IL15: variants seen among roughly 807,000 people sequenced by gnomAD.
IL15 encodes interleukin-15.
IL15 carries 11 observed loss-of-function variants against 19.6 expected under a neutral mutation model. That is an observed-to-expected ratio of 0.56 (90% CI 0.35 to 0.93). The LOEUF is 0.93. Ranked by LOEUF, IL15 falls within the 40% of genes least tolerant of loss-of-function variation. The probability of loss-of-function intolerance (pLI) is 0.01; values close to 1 mark genes in which losing one functional copy is unlikely to be tolerated. For missense variants in IL15, 197 were observed against 186.5 expected (o/e 1.06, Z -0.33); for synonymous variants, 58 against 59.6 (o/e 0.97, Z 0.12).
intron 1 of IL15, among the ~76,000 whole-genome samples, chr4:141,651,482 T>C (rs1727404640): frequency 6.6e-6 from 1 of 152,138 alleles, no homozygotes; most frequent in African/African-American, 2.4e-5. Flanking sequence ...AATTGTACAA[T>C]GTACATTATT....
At chr4:141,708,998 T>A (rs993491448) in intron 2 of IL15, among the ~76,000 whole-genome samples, 1 of 147,094 alleles carries the variant, frequency 6.8e-6, no homozygotes, top group African/African-American at 2.6e-5. Flanking sequence ...TATTATTAAT[T>A]TGTAATTCAA....
chr4:141,727,853 A>G, intron 5 of IL15, 87 bp from the exon 6 acceptor site: 2 of 689,178 alleles, frequency 2.9e-6, no homozygotes, highest in Admixed American at 2.9e-5. Context: ...AAGAATTAAA[A>G]ACAATTTAAT....
chr4:141,727,792 G>T, intron 5 of IL15, 148 bp from the exon 6 acceptor site: 1 of 590,184 alleles, frequency 1.7e-6, no homozygotes, highest in Non-Finnish European at 3.0e-6. Flanking sequence ...GGATCTCTCT[G>T]TATTTACTCT....
chr4:141,706,280 A>G (rs1729511954), intron 2 of IL15, among the ~76,000 whole-genome samples: 1 of 152,004 alleles, frequency 6.6e-6, no homozygotes, highest in South Asian at 2.1e-4. Flanking sequence ...CTGATGGTTT[A>G]TTTAAATCTG....
intron 2 of IL15, among the ~76,000 whole-genome samples, chr4:141,663,536 A>G (rs1578999510): frequency 6.6e-6 from 1 of 152,178 alleles, no homozygotes. Flanking sequence ...TAAATGGCCA[A>G]TGTAGAACTG....
chr4:141,682,909 G>T (rs1728580961), intron 2 of IL15, among the ~76,000 whole-genome samples: 1 of 151,952 alleles, frequency 6.6e-6, no homozygotes, highest in African/African-American at 2.4e-5. Flanking sequence ...CCGAGATCAC[G>T]CCACTGCACT....
intron 2 of IL15, among the ~76,000 whole-genome samples, chr4:141,700,381 C>T (rs1342518800): frequency 1.3e-5 from 2 of 152,114 alleles, no homozygotes; most frequent in African/African-American, 2.4e-5. Flanking sequence ...ATTTATGAAG[C>T]TTAGTTTTGC....
intron 5 of IL15, among the ~76,000 whole-genome samples, chr4:141,725,446 G>T (rs1009706544): frequency 6.6e-6 from 1 of 152,098 alleles, no homozygotes; most frequent in African/African-American, 2.4e-5. Context: ...GGAGAAAATG[G>T]CCACCTATAA....
chr4:141,644,178 G>C (rs1444673742), intron 1 of IL15, among the ~76,000 whole-genome samples: 1 of 151,548 alleles, frequency 6.6e-6, no homozygotes, highest in Non-Finnish European at 1.5e-5. Flanking sequence ...TATTGCAAAA[G>C]TGCCTGCTGC....
At chr4:141,642,599 G>A (rs577663789) in intron 1 of IL15, among the ~76,000 whole-genome samples, 1 of 152,234 alleles carries the variant, frequency 6.6e-6, no homozygotes, top group African/African-American at 2.4e-5. Flanking sequence ...GCTCTAGTAG[G>A]GCTTGGATAG....
At chr4:141,698,588 T>C (rs1051485364) in intron 2 of IL15, among the ~76,000 whole-genome samples, 1 of 152,078 alleles carries the variant, frequency 6.6e-6, no homozygotes, top group African/African-American at 2.4e-5. Flanking sequence ...TTCAGGAATT[T>C]ATCAATTTCC....
At chr4:141,661,107 C>G (rs1027089791) in intron 2 of IL15, among the ~76,000 whole-genome samples, 3 of 151,984 alleles carry the variant, frequency 2.0e-5, no homozygotes, top group Non-Finnish European at 4.4e-5. Flanking sequence ...CTAGGTCAAG[C>G]AAAACCCAGA....
intron 2 of IL15, among the ~76,000 whole-genome samples, chr4:141,699,924 T>C (rs1729228473): frequency 1.3e-5 from 2 of 152,152 alleles, no homozygotes; most frequent in African/African-American, 2.4e-5. Flanking sequence ...ATGAGATTTA[T>C]TTATTTATTT....
chr4:141,710,103 A>G (rs1221631176), intron 2 of IL15, among the ~76,000 whole-genome samples: 1 of 152,220 alleles, frequency 6.6e-6, no homozygotes, highest in Admixed American at 6.5e-5. Flanking sequence ...TTATGACTGC[A>G]TAGTATTCCA....
At chr4:141,653,186 A>T (rs1383457838) in intron 1 of IL15, among the ~76,000 whole-genome samples, 4 of 152,148 alleles carry the variant, frequency 2.6e-5, no homozygotes, top group Non-Finnish European at 5.9e-5. Flanking sequence ...TAATTCAATT[A>T]AAAAAATTAT....
chr4:141,697,417 G>A (rs1211439642), intron 2 of IL15, among the ~76,000 whole-genome samples: 3 of 151,872 alleles, frequency 2.0e-5, no homozygotes, highest in East Asian at 1.9e-4. Flanking sequence ...CTATATCCTC[G>A]AAGTGTGATT....
intron 2 of IL15, among the ~76,000 whole-genome samples, chr4:141,667,177 T>A (rs953359821): frequency 5.3e-5 from 8 of 152,230 alleles, no homozygotes; most frequent in African/African-American, 1.9e-4. Context: ...TTTGTATTTT[T>A]AAAAATATCC....
At chr4:141,694,490 A>C (rs1729027490) in intron 2 of IL15, among the ~76,000 whole-genome samples, 1 of 152,156 alleles carries the variant, frequency 6.6e-6, no homozygotes, top group Non-Finnish European at 1.5e-5. Context: ...AATTTCAATG[A>C]AGGAAAAAAG....
chr4:141,710,385 C>G (rs1370151918), intron 2 of IL15, among the ~76,000 whole-genome samples: 1 of 152,154 alleles, frequency 6.6e-6, no homozygotes, highest in Non-Finnish European at 1.5e-5. Flanking sequence ...TTGAGTTCTA[C>G]TTTTTCTCTA....
Sources: gnomAD v4.1 joint callset for allele counts (sites outside exome capture counted in the v4.1 genomes callset) on GRCh38, gnomAD v4.1.1 for gene constraint, MANE v1.5 for transcripts, NCBI Gene and HGNC (gene_info 2026-07-23, HGNC 2026-07-21) for gene names.